ANKRD13B: variants seen among roughly 807,000 people sequenced by gnomAD.
ANKRD13B encodes the protein ankyrin repeat domain-containing protein 13B.
ANKRD13B carries 33 observed loss-of-function variants against 74.4 expected under a neutral mutation model. The ratio of observed to expected loss-of-function variants is 0.44; its 90% CI spans 0.34 to 0.59. The LOEUF (loss-of-function observed/expected upper bound fraction) is 0.59, where lower values mean the gene tolerates loss of function less well. Ranked by LOEUF, ANKRD13B falls within the 20% of genes least tolerant of loss-of-function variation. ANKRD13B has a pLI of 0.02. For synonymous variants in ANKRD13B, 341 were observed against 362.9 expected (o/e 0.94, Z 0.68); for missense variants, 676 against 877.9 (o/e 0.77, Z 2.91).
chr17:29,610,009 G>C (rs2034523536), intron 7 of ANKRD13B, among the ~76,000 whole-genome samples: 2 of 152,004 alleles, frequency 1.3e-5, no homozygotes, highest in African/African-American at 2.4e-5. Flanking sequence ...TGGCTAACAT[G>C]GTGAAACCCC....
intron 1 of ANKRD13B, among the ~76,000 whole-genome samples, chr17:29,599,883 T>TTTTTTTG (rs2034099372): frequency 7.5e-6 from 1 of 133,740 alleles, no homozygotes; most frequent in African/African-American, 2.9e-5. Context: ...TTTTTTTTTT[T>TTTTTTTG]TTTTTTTTTT....
chr17:29,606,727 G>GAAAAAAAAA, intron 1 of ANKRD13B, among the ~76,000 whole-genome samples: 1 of 38,848 alleles, frequency 2.6e-5, no homozygotes, highest in Non-Finnish European at 4.4e-5. Context: ...CCTGTCTCAA[G>GAAAAAAAAA]TAAAAAAAAA....
Position 29,607,980 on chromosome 17 carries a change from C to T in ANKRD13B, c.251-6C>T. 6.2e-7 allele frequency: 1 copy of T among 1,601,934 alleles called. No individual in the cohort carries two copies. Among genetic ancestry groups the T allele is most frequent in the Non-Finnish European group, 8.5e-7 (1 of 1,173,068 alleles). ...TGCCCTGTGACCTTGCCTCGCCCTC[C>T]CCCAGTGCTCCAGGAGGCTGTGAGT... On this transcript the variant is annotated splice_region_variant and splice_polypyrimidine_tract_variant and intron_variant, in intron 2 of 14. Transcript: ENST00000394859.
chr17:29,600,283 G>C (rs970578822), intron 1 of ANKRD13B, among the ~76,000 whole-genome samples: 9 of 152,100 alleles, frequency 5.9e-5, no homozygotes, highest in Non-Finnish European at 1.3e-4. Flanking sequence ...GGGCTGGGGA[G>C]CTCAGGGATG....
intron 1 of ANKRD13B, among the ~76,000 whole-genome samples, chr17:29,602,394 C>CAAAAA (rs61476683): frequency 1.7e-5 from 2 of 117,472 alleles, no homozygotes; most frequent in African/African-American, 6.1e-5. Context: ...GATTCCATCT[C>CAAAAA]AAAAAAAAAA....
intron 1 of ANKRD13B, among the ~76,000 whole-genome samples, chr17:29,605,103 A>G (rs987152752): frequency 2.0e-5 from 3 of 152,200 alleles, no homozygotes; most frequent in Admixed American, 6.5e-5. Flanking sequence ...AGAGACCCCT[A>G]TGCAGATTTC....
At chr17:29,594,339 C>A (rs913978600) in intron 1 of ANKRD13B, among the ~76,000 whole-genome samples, 1 of 152,206 alleles carries the variant, frequency 6.6e-6, no homozygotes, top group East Asian at 1.9e-4. Context: ...CGCTCTCCTG[C>A]CCTCTGGTGC....
chr17:29,613,486 A>G lies in ANKRD13B; in HGVS notation c.1785A>G (p.Glu595=). 1.3e-6 allele frequency: 2 copies of G among 1,532,720 alleles called. No individual in the cohort carries two copies. Among genetic ancestry groups the G allele is most frequent in the Non-Finnish European group, 1.8e-6 (2 of 1,141,684 alleles). 94.9% of individuals were successfully genotyped at this position (1,532,720 alleles called of 1,614,324 possible). A position where few individuals can be genotyped will look rare whatever the true frequency, so the allele number is the denominator to read the frequency against. Residue 595 remains glutamate, a synonymous_variant, in exon 15 of 15, where the codon GAA becomes GAG. Coordinates refer to ENST00000394859, the MANE Select transcript of ANKRD13B (RefSeq NM_152345.5). ...SYDEQLRLAM[E]LSAQEQEERR... The stretch of plus-strand genomic sequence containing the variant: ...ACGAGCAGCTGCGGCTGGCGATGGA[A>G]CTGTCGGCGCAGGAGCAGGAGGAGA...
intron 1 of ANKRD13B, among the ~76,000 whole-genome samples, chr17:29,599,865 GTTTTTTTT>G (rs35600194): frequency 3.9e-4 from 20 of 50,768 alleles, no homozygotes; most frequent in African/African-American, 6.6e-4. Context: ...CATCTAATTT[GTTTTTTTT>G]TTTTTTTTTT....
Position 29,612,565 on chromosome 17 carries a change from C to G in ANKRD13B, c.1411+11C>G. On this transcript the variant is annotated intron_variant, in intron 12 of 14. Transcript: ENST00000394859. The surrounding 1 kb of genome is among the most constrained non-coding windows in gnomAD (Gnocchi z 6.1). ...GCTCCAGCTCCACGAGTGAGGCCCC[C>G]CGCGAGAACGCCTGCCCCTCGGCTC... is the stretch of plus-strand genomic sequence containing the variant. 4 of 1,543,984 alleles carry G rather than the reference C, an allele frequency of 2.6e-6. No homozygotes were observed. Among genetic ancestry groups the G allele is most frequent in the East Asian group, 2.4e-5 (1 of 40,832 alleles).
At position 29,610,668 on chromosome 17, in the gene ANKRD13B, T is replaced by C; in HGVS notation, c.823-17T>C. On this transcript the variant is annotated splice_polypyrimidine_tract_variant and intron_variant, in intron 7 of 14. Coordinates refer to ENST00000394859, the MANE Select transcript of ANKRD13B (RefSeq NM_152345.5). The stretch of plus-strand genomic sequence containing the variant: ...AGACCAGAACTGCTTATGAGCCCTT[T>C]CTTCATCTGTCCCCAGGTGTATGGG... The C allele has an allele frequency of 6.2e-7, 1 of 1,613,242 alleles. No individual in the cohort carries two copies. The highest frequency in any genetic ancestry group is 8.5e-7 in the Non-Finnish European group (1 of 1,179,510).
chr17:29,611,857 C>T lies in ANKRD13B; in HGVS notation c.970-19C>T, dbSNP rs749267731. On this transcript the variant is annotated intron_variant, in intron 9 of 14. Transcript: ENST00000394859. This position sits in a 1 kb window ranked among gnomAD's most constrained non-coding sequence, Gnocchi z 4.3. ...TAGGAACTGAGGGGAGCTCCTGGGC[C>T]CCTCCCCATGTGGTACAGACCCTGA... is the stretch of plus-strand genomic sequence containing the variant. 1.7e-5 allele frequency: 27 copies of T among 1,572,228 alleles called. No individual in the cohort carries two copies. The highest frequency in any genetic ancestry group is 2.3e-5 in the Non-Finnish European group (27 of 1,157,306).
chr17:29,597,133 C>G (rs1227139031), intron 1 of ANKRD13B, among the ~76,000 whole-genome samples: 2 of 152,236 alleles, frequency 1.3e-5, no homozygotes, highest in Non-Finnish European at 2.9e-5. Context: ...AGCACAGGCT[C>G]TGCGTCCCTC....
Position 29,593,574 on chromosome 17 carries a change from T to G in ANKRD13B, c.-48T>G. On this transcript the variant is annotated 5_prime_UTR_variant, in exon 1 of 15. Transcript: ENST00000394859. ...GCCCCGGGCCCCGGCTCCGGCGCCG[T>G]CCCTCCTCCCCGGCCGGGCGCCGCG... 1.0e-6 allele frequency: 1 copy of G among 996,612 alleles called. No homozygotes were observed. The highest frequency in any genetic ancestry group is 1.2e-6 in the Non-Finnish European group (1 of 803,996). 61.7% of individuals were successfully genotyped at this position (996,612 alleles called of 1,614,324 possible).
At position 29,611,793 on chromosome 17, in the gene ANKRD13B, C is replaced by A; in HGVS notation, c.970-83C>A. ...AGCGCCACACTGGCAGAGGGGACAG[C>A]TTGGGGGCCTTGTGACAACAAATGA... On this transcript the variant is annotated intron_variant, in intron 9 of 14. Transcript: ENST00000394859. This position sits in a 1 kb window ranked among gnomAD's most constrained non-coding sequence, Gnocchi z 4.3. The A allele has an allele frequency of 6.4e-7, 1 of 1,564,614 alleles. No homozygotes were observed. Among genetic ancestry groups the A allele is most frequent in the Non-Finnish European group, 8.7e-7 (1 of 1,151,642 alleles).
chr17:29,596,622 C>T (rs555378786), intron 1 of ANKRD13B, among the ~76,000 whole-genome samples: 7 of 152,292 alleles, frequency 4.6e-5, no homozygotes, highest in African/African-American at 1.7e-4. Context: ...GATTGTGGTC[C>T]CAGAGAATCA....
intron 14 of ANKRD13B, 90 bp downstream of exon 14, chr17:29,613,053 G>A (rs749529986): frequency 7.4e-6 from 11 of 1,484,836 alleles, no homozygotes; most frequent in Non-Finnish European, 9.1e-6. Flanking sequence ...CGGGGCCCTC[G>A]GCAGGGACCC....
chr17:29,613,915 T>C lies in ANKRD13B; in HGVS notation c.*333T>C, dbSNP rs1016440907. The C allele has an allele frequency of 1.9e-5, 6 of 319,858 alleles. No homozygotes were observed. Among genetic ancestry groups the C allele is most frequent in the Admixed American group, 5.1e-5 (1 of 19,450 alleles). 19.8% of individuals were successfully genotyped at this position (319,858 alleles called of 1,614,324 possible). On this transcript the variant is annotated 3_prime_UTR_variant, in exon 15 of 15. Transcript: ENST00000394859. Reference sequence around the variant, plus strand: ...GGGAGATGAATCCTTAGAGGAGCGCTGTCCCTATCCCTTGCTCCTTCTGGC... The same window carrying C: ...GGGAGATGAATCCTTAGAGGAGCGCCGTCCCTATCCCTTGCTCCTTCTGGC...
intron 1 of ANKRD13B, among the ~76,000 whole-genome samples, chr17:29,605,696 T>G (rs1224302744): frequency 6.6e-6 from 1 of 152,120 alleles, no homozygotes; most frequent in Non-Finnish European, 1.5e-5. Context: ...CTCTAACTCC[T>G]GGGCTCAAGC....
Sources: gnomAD v4.1 joint callset for allele counts (sites outside exome capture counted in the v4.1 genomes callset) on GRCh38, gnomAD v4.1.1 for gene constraint, Gnocchi (gnomAD v3.1) non-coding constraint, MANE v1.5 for transcripts, NCBI Gene and HGNC (gene_info 2026-07-23, HGNC 2026-07-21) for gene names.